Variants in ANK3 observed in about 807,000 individuals in gnomAD.
The protein encoded by ANK3 is ankyrin 3.
In ANK3, 57 loss-of-function variants were observed where a neutral mutation model predicts 370.9. That is an observed-to-expected ratio of 0.15 (90% CI 0.12 to 0.19). ANK3 has a LOEUF of 0.19. Ranked by LOEUF, ANK3 falls within the 10% of genes least tolerant of loss-of-function variation. The probability of loss-of-function intolerance (pLI) is 1.00; values close to 1 mark genes in which losing one functional copy is unlikely to be tolerated. For missense variants in ANK3, 4,439 were observed against 5,302.1 expected (o/e 0.84, Z 5.06); for synonymous variants, 1,929 against 1,946.3 (o/e 0.99, Z 0.23).
chr10:60,571,574 A>T (rs1354251562), intron 2 of ANK3, among the ~76,000 whole-genome samples: 1 of 152,218 alleles, frequency 6.6e-6, no homozygotes, highest in African/African-American at 2.4e-5. Context: ...AGATTTTAAA[A>T]TACAGCACAC....
In ANK3 at chr10:60,306,545, A is replaced by G. The variant is rs72822256; in HGVS notation, c.115-26906T>C. 5.5e-3 allele frequency among the ~76,000 whole-genome samples: 831 copies of G among 151,954 alleles called. 5 individuals are homozygous for G. The highest frequency in any genetic ancestry group is 0.013 in the South Asian group (63 of 4,808). ...CGTGCTGATATAAACACGTGTGTGC[A>G]TGTCTTTTTCATATAATGCCTTCTT... On this transcript the variant is annotated intron_variant, in intron 1 of 43. Coordinates refer to ENST00000280772, the MANE Select transcript of ANK3 (RefSeq NM_020987.5).
intron 2 of ANK3, among the ~76,000 whole-genome samples, chr10:60,519,129 C>T (rs778166953): frequency 2.6e-5 from 4 of 152,130 alleles, no homozygotes; most frequent in Non-Finnish European, 4.4e-5. Context: ...GAAAAAGTAA[C>T]GTTGCAATAT....
intron 1 of ANK3, among the ~76,000 whole-genome samples, chr10:60,661,602 T>C (rs1284130248): frequency 6.6e-6 from 1 of 152,192 alleles, no homozygotes; most frequent in Non-Finnish European, 1.5e-5. Context: ...CTATATTTTA[T>C]CTTTTTCTAT....
At chr10:60,133,412 G>A (rs951152419) in intron 25 of ANK3, among the ~76,000 whole-genome samples, 2 of 152,122 alleles carry the variant, frequency 1.3e-5, no homozygotes, top group African/African-American at 2.4e-5. Context: ...ATAGTAACCC[G>A]CTATCTATTC....
At chr10:60,162,798 T>A (rs1363464888) in intron 23 of ANK3, among the ~76,000 whole-genome samples, 1 of 152,200 alleles carries the variant, frequency 6.6e-6, no homozygotes, top group Non-Finnish European at 1.5e-5. Context: ...ACCTGTTCAG[T>A]AGAGTCATAT....
intron 1 of ANK3, among the ~76,000 whole-genome samples, chr10:60,323,233 G>A (rs2049055084): frequency 2.0e-5 from 3 of 152,172 alleles, no homozygotes; most frequent in African/African-American, 4.8e-5. Context: ...CAAAACAAAT[G>A]TCTGTGCAGG....
chr10:60,469,700 G>T (rs1189051869), intron 2 of ANK3, among the ~76,000 whole-genome samples: 3 of 110,186 alleles, frequency 2.7e-5, no homozygotes, highest in Admixed American at 1.0e-4. Context: ...TATATATAGT[G>T]GTCCTATATG....
At chr10:60,081,858 A>AT (rs2085357322) in intron 35 of ANK3, 1 of 265,168 alleles carries the variant, frequency 3.8e-6, no homozygotes, top group South Asian at 7.4e-5. Context: ...GTCTAAAAAA[A>AT]TTTTTAACGT....
chr10:60,559,427 C>T (rs944315699), intron 2 of ANK3, among the ~76,000 whole-genome samples: 11 of 152,130 alleles, frequency 7.2e-5, no homozygotes, highest in African/African-American at 1.9e-4. Context: ...TCCAAGTTGC[C>T]GTGAATGCCA....
At chr10:60,441,897 G>T (rs2064308352) in intron 2 of ANK3, among the ~76,000 whole-genome samples, 1 of 151,980 alleles carries the variant, frequency 6.6e-6, no homozygotes, top group African/African-American at 2.4e-5. Context: ...GCAGCCATGG[G>T]TTATTTTTCA....
At position 60,032,050 on chromosome 10, in the gene ANK3, T is replaced by TGTA. The variant is rs2073715136; in HGVS notation, c.*20-2227_*20-2225dup. 9.2e-5 allele frequency among the ~76,000 whole-genome samples: 14 copies of TGTA among 152,102 alleles called. 2 individuals are homozygous for TGTA. In the South Asian group the frequency reaches 2.9e-3, roughly 32 times the overall value. ...TGTTTTTATCATTTAATCCTAATCTTGTAGGCACCAGGCTTCTTAGATGGT... is the reference window on the plus strand; with the variant it reads ...TGTTTTTATCATTTAATCCTAATCTTGTAGTAGGCACCAGGCTTCTTAGATGGT... On this transcript the variant is annotated intron_variant, in intron 43 of 43. Transcript: ENST00000280772.
chr10:60,417,675 G>T (rs929769846), intron 2 of ANK3, among the ~76,000 whole-genome samples: 1 of 152,138 alleles, frequency 6.6e-6, no homozygotes, highest in African/African-American at 2.4e-5. Flanking sequence ...AAGCTAGCTG[G>T]TACTACTGGA....
intron 2 of ANK3, among the ~76,000 whole-genome samples, chr10:60,589,620 A>T (rs372849670): frequency 3.2e-4 from 49 of 152,304 alleles, no homozygotes; most frequent in African/African-American, 1.2e-3. Context: ...AGAGCGCCTT[A>T]ATCTCCATGG....
chr10:60,193,016 T>C (rs1301474505), intron 16 of ANK3, among the ~76,000 whole-genome samples: 1 of 152,062 alleles, frequency 6.6e-6, no homozygotes, highest in East Asian at 1.9e-4. Flanking sequence ...ATTATATGAC[T>C]GGCTTTGCTT....
intron 1 of ANK3, among the ~76,000 whole-genome samples, chr10:60,625,314 G>A (rs901241141): frequency 1.3e-5 from 2 of 152,154 alleles, no homozygotes; most frequent in Admixed American, 6.5e-5. Flanking sequence ...ATAATGCATT[G>A]TTGTTTAAGC....
intron 1 of ANK3, among the ~76,000 whole-genome samples, chr10:60,335,679 A>T (rs2052657864): frequency 6.6e-6 from 1 of 152,232 alleles, no homozygotes; most frequent in Non-Finnish European, 1.5e-5. Context: ...TCTTGACTTA[A>T]AAACTAACCT....
chr10:60,077,567 C>T (rs1052261568), intron 36 of ANK3, among the ~76,000 whole-genome samples: 2 of 152,154 alleles, frequency 1.3e-5, no homozygotes, highest in African/African-American at 4.8e-5. Flanking sequence ...TTTTCTACTG[C>T]AAGTTATAAA....
At chr10:60,458,154 T>C (rs912739927) in intron 2 of ANK3, among the ~76,000 whole-genome samples, 1 of 152,128 alleles carries the variant, frequency 6.6e-6, no homozygotes, top group African/African-American at 2.4e-5. Context: ...TGATGTTTTG[T>C]GCACAAAAAT....
At chr10:60,672,944 C>A (rs1345054980) in intron 1 of ANK3, among the ~76,000 whole-genome samples, 1 of 151,834 alleles carries the variant, frequency 6.6e-6, no homozygotes, top group African/African-American at 2.4e-5. Context: ...ACATTCTGGT[C>A]ACAGAAGCAT....
Sources: allele counts gnomAD v4.1 joint callset (sites outside exome capture counted in the v4.1 genomes callset), GRCh38; gene constraint gnomAD v4.1.1; transcripts MANE v1.5; gene names NCBI Gene and HGNC (gene_info 2026-07-23, HGNC 2026-07-21).